The following TUSC3 variants were observed in gnomAD, a reference collection of about 807,000 sequenced individuals.
TUSC3 encodes the protein tumor suppressor candidate 3.
TUSC3 carries 45 observed loss-of-function variants against 44.8 expected under a neutral mutation model. The ratio of observed to expected loss-of-function variants is 1.00; its 90% CI spans 0.79 to 1.29. The LOEUF (loss-of-function observed/expected upper bound fraction) is 1.29. Among genes scored for constraint, TUSC3 ranks in the 50% most tolerant of loss-of-function variants. The pLI is 0.00. For missense variants in TUSC3, 519 were observed against 437.9 expected, an observed-to-expected ratio of 1.19 and a Z score of -1.65; for synonymous variants, 212 against 152.9, an observed-to-expected ratio of 1.39 and a Z score of -2.85.
chr8:15,501,237 A>C (rs1800960721), intron 2 of TUSC3, among the ~76,000 whole-genome samples: 1 of 152,014 alleles, frequency 6.6e-6, no homozygotes, highest in South Asian at 2.1e-4. Context: ...CTCTCTCTGG[A>C]CTTTCCTTCT....
intron 1 of TUSC3, among the ~76,000 whole-genome samples, chr8:15,446,597 G>C (rs1009596886): frequency 2.6e-5 from 4 of 151,774 alleles, no homozygotes; most frequent in Non-Finnish European, 5.9e-5. Flanking sequence ...CGTGGCGGCG[G>C]GCGCCTGCAA....
intron 3 of TUSC3, among the ~76,000 whole-genome samples, chr8:15,658,706 T>C (rs1807285801): frequency 6.6e-6 from 1 of 151,504 alleles, no homozygotes; most frequent in South Asian, 2.1e-4. Context: ...ATACAATATA[T>C]ATACACATAT....
chr8:15,457,848 T>C (rs1289124781), intron 1 of TUSC3, among the ~76,000 whole-genome samples: 2 of 38,820 alleles, frequency 5.2e-5, no homozygotes, highest in African/African-American at 1.4e-4. Flanking sequence ...AGATTAATTA[T>C]CTAATAATTA....
At chr8:15,448,827 A>G (rs1800146636) in intron 1 of TUSC3, among the ~76,000 whole-genome samples, 1 of 152,242 alleles carries the variant, frequency 6.6e-6, no homozygotes, top group African/African-American at 2.4e-5. Context: ...CATTTTGGTC[A>G]ACAGACTCTA....
intron 2 of TUSC3, among the ~76,000 whole-genome samples, chr8:15,632,943 A>C (rs753985454): frequency 1.2e-4 from 18 of 152,260 alleles, no homozygotes; most frequent in Non-Finnish European, 2.2e-4. Flanking sequence ...GTGGAACTGT[A>C]ATCAGCACTT....
the TUSC3 span, among the ~76,000 whole-genome samples, chr8:15,838,574 G>A: frequency 6.6e-6 from 1 of 151,910 alleles, no homozygotes; most frequent in African/African-American, 2.4e-5. Context: ...AAAAACTCAG[G>A]AGCTAGCCAG....
At chr8:15,668,376 A>G (rs1807775989) in intron 5 of TUSC3, among the ~76,000 whole-genome samples, 1 of 151,640 alleles carries the variant, frequency 6.6e-6, no homozygotes, top group Admixed American at 6.6e-5. Flanking sequence ...GTTTCAGTGC[A>G]TTTACCTTTT....
intron 1 of TUSC3, among the ~76,000 whole-genome samples, chr8:15,570,483 G>A (rs549332397): frequency 1.3e-5 from 2 of 152,192 alleles, no homozygotes; most frequent in South Asian, 4.2e-4. Context: ...AATCAAAAGA[G>A]CTTGGAAGAA....
chr8:15,522,894 G>T (rs1043530599), intron 2 of TUSC3, among the ~76,000 whole-genome samples: 7 of 152,162 alleles, frequency 4.6e-5, no homozygotes, highest in African/African-American at 1.7e-4. Context: ...AGTGCAGATG[G>T]TTTATTTGAG....
intron 6 of TUSC3, among the ~76,000 whole-genome samples, chr8:15,676,121 C>T (rs1049314986): frequency 2.6e-5 from 4 of 152,092 alleles, no homozygotes; most frequent in African/African-American, 7.2e-5. Context: ...AAAAAACAGC[C>T]ATTCTGACTG....
At chr8:15,518,405 T>A (rs1193373529) in intron 2 of TUSC3, among the ~76,000 whole-genome samples, 2 of 152,102 alleles carry the variant, frequency 1.3e-5, no homozygotes, top group Non-Finnish European at 2.9e-5. Context: ...AGAAAAATAG[T>A]AGGAAAAATA....
At chr8:15,769,822 A>G (rs1026186246), downstream of TUSC3, among the ~76,000 whole-genome samples, 1 of 152,248 alleles carries the variant, frequency 6.6e-6, no homozygotes, top group Non-Finnish European at 1.5e-5. Flanking sequence ...AAGAAAGCTC[A>G]TCATCACTGG....
chr8:15,745,770 G>T (rs746707484), intron 8 of TUSC3, among the ~76,000 whole-genome samples: 6 of 151,004 alleles, frequency 4.0e-5, no homozygotes, highest in Non-Finnish European at 8.8e-5. Context: ...TTGTTGTTTT[G>T]CGGTGCAGAG....
intron 2 of TUSC3, among the ~76,000 whole-genome samples, chr8:15,530,111 A>G (rs987518556): frequency 3.3e-5 from 5 of 151,984 alleles, no homozygotes; most frequent in Non-Finnish European, 5.9e-5. Flanking sequence ...CTCCTGTATT[A>G]CATCATATAC....
chr8:15,508,825 A>C (rs888615010), intron 2 of TUSC3, among the ~76,000 whole-genome samples: 1 of 152,176 alleles, frequency 6.6e-6, no homozygotes, highest in African/African-American at 2.4e-5. Flanking sequence ...CAAAAACCAA[A>C]GTGTATTGAG....
intron 1 of TUSC3, among the ~76,000 whole-genome samples, chr8:15,601,108 G>A (rs757790984): frequency 6.6e-6 from 1 of 151,692 alleles, no homozygotes; most frequent in African/African-American, 2.4e-5. Flanking sequence ...ATTTGTTACA[G>A]TATCCATAGG....
intron 2 of TUSC3, among the ~76,000 whole-genome samples, chr8:15,648,788 TTATCAC>T (rs1156662513): frequency 7.1e-6 from 1 of 141,562 alleles, no homozygotes; most frequent in African/African-American, 2.6e-5. Context: ...CATCATCTTG[TTATCAC>T]GTACCATAAA....
chr8:15,493,762 C>G (rs190731855), intron 2 of TUSC3, among the ~76,000 whole-genome samples: 87 of 152,142 alleles, frequency 5.7e-4, no homozygotes, highest in African/African-American at 2.0e-3. Flanking sequence ...AAGTGAGCCC[C>G]CAAAATAAAA....
At chr8:15,799,455 A>T in the TUSC3 span, among the ~76,000 whole-genome samples, 3 of 152,158 alleles carry the variant, frequency 2.0e-5, no homozygotes, top group Non-Finnish European at 2.9e-5. Flanking sequence ...CCAGTTTCTC[A>T]AGGAAGTTCC....
Sources: gnomAD v4.1 joint callset for allele counts (sites outside exome capture counted in the v4.1 genomes callset) on GRCh38, gnomAD v4.1.1 for gene constraint, MANE v1.5 for transcripts, NCBI Gene and HGNC (gene_info 2026-07-23, HGNC 2026-07-21) for gene names.